DYNC1I1: variants seen among roughly 807,000 people sequenced by gnomAD.
The protein encoded by DYNC1I1 is dynein cytoplasmic 1 intermediate chain 1, also known as cytoplasmic dynein 1 intermediate chain 1.
Under a neutral mutation model 86.6 loss-of-function variants are expected in DYNC1I1, and 43 were observed. The observed-to-expected ratio is 0.50, with a 90% confidence interval of 0.39 to 0.64. DYNC1I1 has a LOEUF of 0.64. Among genes scored for constraint, DYNC1I1 ranks in the 30% least tolerant of loss-of-function variants. The pLI is 0.00. For missense variants in DYNC1I1, 604 were observed against 788.8 expected, an observed-to-expected ratio of 0.77 and a Z score of 2.81; for synonymous variants, 262 against 283.7, an observed-to-expected ratio of 0.92 and a Z score of 0.77.
chr7:95,936,037 A>G (rs1028044562), intron 6 of DYNC1I1, among the ~76,000 whole-genome samples: 3 of 152,016 alleles, frequency 2.0e-5, no homozygotes, highest in African/African-American at 7.2e-5. Context: ...TCTTTCCATT[A>G]AAGGAGCTAG....
intron 6 of DYNC1I1, among the ~76,000 whole-genome samples, chr7:95,897,590 T>C (rs1476051242): frequency 6.6e-6 from 1 of 152,144 alleles, no homozygotes; most frequent in East Asian, 1.9e-4. Flanking sequence ...GAATGAGTGG[T>C]CCTCCCTGAG....
chr7:95,916,696 CCT>C (rs1791477131), intron 6 of DYNC1I1, among the ~76,000 whole-genome samples: 1 of 152,084 alleles, frequency 6.6e-6, no homozygotes, highest in South Asian at 2.1e-4. Context: ...CGGACATTTC[CCT>C]GTCTCTTAAA....
At chr7:95,965,156 T>A (rs993646113) in intron 6 of DYNC1I1, among the ~76,000 whole-genome samples, 2 of 152,172 alleles carry the variant, frequency 1.3e-5, no homozygotes, top group African/African-American at 4.8e-5. Context: ...CAACTGAAAC[T>A]GGAATAGGCA....
chr7:95,972,658 C>T (rs568329185), intron 6 of DYNC1I1, among the ~76,000 whole-genome samples: 32 of 152,270 alleles, frequency 2.1e-4, no homozygotes, highest in African/African-American at 7.7e-4. Context: ...ATTTGTAAGG[C>T]TATCAAAACA....
At chr7:95,819,336 G>A (rs1290796789) in intron 4 of DYNC1I1, among the ~76,000 whole-genome samples, 1 of 152,102 alleles carries the variant, frequency 6.6e-6, no homozygotes, top group East Asian at 1.9e-4. Context: ...AACTTGTCCT[G>A]TCTGCATGTA....
At chr7:95,963,840 C>T (rs319335) in intron 6 of DYNC1I1, among the ~76,000 whole-genome samples, 123,540 of 152,174 alleles carry the variant, frequency 0.81, 50,523 homozygotes, top group East Asian at 0.92. Context: ...GACCAGAAAG[C>T]AAAAACAAGG....
At chr7:96,105,172 T>C (rs1025868593) in intron 16 of DYNC1I1, among the ~76,000 whole-genome samples, 4 of 152,068 alleles carry the variant, frequency 2.6e-5, no homozygotes, top group African/African-American at 9.6e-5. Context: ...ATTGATGTTA[T>C]ATTTTGCAAC....
At chr7:95,784,471 C>T (rs1367211912) in intron 1 of DYNC1I1, among the ~76,000 whole-genome samples, 2 of 152,096 alleles carry the variant, frequency 1.3e-5, no homozygotes, top group Non-Finnish European at 2.9e-5. Flanking sequence ...CTCACCTTCT[C>T]TCCCCTCTGT....
At chr7:95,930,506 G>C (rs1458561319) in intron 6 of DYNC1I1, among the ~76,000 whole-genome samples, 1 of 152,070 alleles carries the variant, frequency 6.6e-6, no homozygotes, top group Non-Finnish European at 1.5e-5. Context: ...CCCTTTTCTT[G>C]AGGAAAGTGT....
In DYNC1I1 at chr7:96,082,240, T is replaced by A. The variant is rs553389422; in HGVS notation, c.1776+1752T>A. Among the ~76,000 whole-genome samples the A allele has an allele frequency of 5.9e-5, 9 of 152,100 alleles. No individual in the cohort carries two copies. In the East Asian group the frequency reaches 1.7e-3, roughly 29 times the overall value. ...AATAACAAAAACAGATATTCTTTAT[T>A]GGTCACTTCCTAAAAAATAAAAAAG... is the stretch of plus-strand genomic sequence containing the variant. On this transcript the variant is annotated intron_variant, in intron 16 of 16. Coordinates refer to ENST00000447467, the MANE Select transcript of DYNC1I1 (RefSeq NM_001135556.2).
chr7:95,852,955 C>T (rs2633942), intron 5 of DYNC1I1, among the ~76,000 whole-genome samples: 141,440 of 152,208 alleles, frequency 0.93, 66,229 homozygotes, highest in Non-Finnish European at 0.99. Context: ...TGTTTTTGTG[C>T]GTTGTGTTTC....
At position 95,884,898 on chromosome 7, in the gene DYNC1I1, G is replaced by A. The variant is rs145967971; in HGVS notation, c.490+14900G>A. On this transcript the variant is annotated intron_variant, in intron 6 of 16. Transcript: ENST00000447467. ...TCAGTAAAAGCTAATCTACCTCATA[G>A]GGCTGTCATGAAGATCAAATGTAGT... 3.1e-3 allele frequency among the ~76,000 whole-genome samples: 467 copies of A among 151,894 alleles called. 3 individuals carry two copies. The highest frequency in any genetic ancestry group is 0.01 in the African/African-American group (434 of 41,408).
Position 95,837,816 on chromosome 7 carries a change from C to T in DYNC1I1, c.374+9700C>T, listed in dbSNP as rs147425857. 6.3e-3 allele frequency among the ~76,000 whole-genome samples: 950 copies of T among 151,000 alleles called. 6 individuals carry two copies. Among genetic ancestry groups the T allele is most frequent in the African/African-American group, 0.022 (894 of 40,956 alleles). Reference sequence around the variant, plus strand: ...CTTCCCCAGTGAGGCAATGCCTCACCCTGCTTCGGCTCGCGCATGGTGCGC... The same window carrying T: ...CTTCCCCAGTGAGGCAATGCCTCACTCTGCTTCGGCTCGCGCATGGTGCGC... On this transcript the variant is annotated intron_variant, in intron 5 of 16. Transcript: ENST00000447467.
chr7:96,027,234 A>C (rs1425289345), intron 10 of DYNC1I1, among the ~76,000 whole-genome samples: 1 of 152,184 alleles, frequency 6.6e-6, no homozygotes, highest in Non-Finnish European at 1.5e-5. Flanking sequence ...TTCCTTATAC[A>C]TGGTAAGTTC....
intron 9 of DYNC1I1, among the ~76,000 whole-genome samples, chr7:95,988,573 G>A (rs1793653831): frequency 6.6e-6 from 1 of 152,138 alleles, no homozygotes; most frequent in Admixed American, 6.5e-5. Flanking sequence ...GCCTAGTGTG[G>A]TGACATCAGA....
chr7:95,912,169 T>G (rs759355477), intron 6 of DYNC1I1, among the ~76,000 whole-genome samples: 18 of 152,186 alleles, frequency 1.2e-4, no homozygotes, highest in Non-Finnish European at 2.5e-4. Context: ...CCTGAGTAGC[T>G]GGGACTACAG....
Position 95,905,652 on chromosome 7 carries a change from C to T in DYNC1I1, c.490+35654C>T, listed in dbSNP as rs557123621. On this transcript the variant is annotated intron_variant, in intron 6 of 16. Coordinates refer to ENST00000447467, the MANE Select transcript of DYNC1I1 (RefSeq NM_001135556.2). ...GTTCGCCAGGGGGTTTGTCTTTCTT[C>T]GGGTAGGGATAGGGACTGGACTTCT... Among the ~76,000 whole-genome samples, 14 of 151,300 alleles carry T rather than the reference C, an allele frequency of 9.3e-5. No individual in the cohort carries two copies. In the South Asian group the frequency reaches 2.7e-3, roughly 29 times the overall value.
intron 6 of DYNC1I1, among the ~76,000 whole-genome samples, chr7:95,900,413 A>G (rs1791006302): frequency 6.6e-6 from 1 of 152,106 alleles, no homozygotes; most frequent in African/African-American, 2.4e-5. Flanking sequence ...AATAATCACC[A>G]CCATCATGGC....
At position 95,906,071 on chromosome 7, in the gene DYNC1I1, CAGAG is replaced by C. The variant is rs1158421534; in HGVS notation, c.490+36077_490+36080del. 2.6e-5 allele frequency among the ~76,000 whole-genome samples: 4 copies of C among 152,156 alleles called. No individual in the cohort carries two copies. In the East Asian group the frequency reaches 5.8e-4, roughly 22 times the overall value. ...TGAACTATATTTTTTCTGGGAAAGA[CAGAG>C]AGAACAGTTTCAAGTTTTCTGATAG... is the stretch of plus-strand genomic sequence containing the variant. On this transcript the variant is annotated intron_variant, in intron 6 of 16. Coordinates refer to ENST00000447467, the MANE Select transcript of DYNC1I1 (RefSeq NM_001135556.2).
Sources: allele counts gnomAD v4.1 joint callset (sites outside exome capture counted in the v4.1 genomes callset), GRCh38; gene constraint gnomAD v4.1.1; transcripts MANE v1.5; gene names NCBI Gene and HGNC (gene_info 2026-07-23, HGNC 2026-07-21).